LDLRAD3: variants seen among roughly 807,000 people sequenced by gnomAD.
LDLRAD3 encodes the protein low density lipoprotein receptor class A domain containing 3.
A neutral mutation model predicts 29.4 loss-of-function variants in LDLRAD3; 20 were observed. That is an observed-to-expected ratio of 0.68 (90% CI 0.48 to 0.99). LDLRAD3 has a LOEUF of 0.99. Among genes scored for constraint, LDLRAD3 ranks in the 50% least tolerant of loss-of-function variants. The probability of loss-of-function intolerance (pLI) is 0.00; values close to 1 mark genes in which losing one functional copy is unlikely to be tolerated. For missense variants in LDLRAD3, 420 were observed against 454.3 expected, an observed-to-expected ratio of 0.92 and a Z score of 0.69; for synonymous variants, 157 against 192.7, an observed-to-expected ratio of 0.81 and a Z score of 1.53.
chr11:36,207,206 C>G (rs1855222847), intron 4 of LDLRAD3, among the ~76,000 whole-genome samples: 1 of 152,176 alleles, frequency 6.6e-6, no homozygotes, highest in Admixed American at 6.5e-5. Context: ...GGAGGCCTCC[C>G]TCTGTTCCTG....
At chr11:36,041,869 G>A (rs1227093953) in intron 2 of LDLRAD3, among the ~76,000 whole-genome samples, 1 of 117,336 alleles carries the variant, frequency 8.5e-6, no homozygotes, top group Non-Finnish European at 2.1e-5. Context: ...TTTGGTGGGT[G>A]TGTTTGGTTG....
intron 1 of LDLRAD3, 113 bp from the exon 2 acceptor site, chr11:36,035,990 G>T: frequency 9.9e-7 from 1 of 1,013,542 alleles, no homozygotes; most frequent in South Asian, 1.7e-5. Context: ...GGTCAGAGAG[G>T]TTGAGTCATC....
At chr11:35,957,841 C>T (rs77553613) in intron 1 of LDLRAD3, among the ~76,000 whole-genome samples, 1,623 of 148,928 alleles carry the variant, frequency 0.011, 18 homozygotes, top group Middle Eastern at 0.024. Flanking sequence ...AAATACAATG[C>T]CGTACACATC....
In LDLRAD3 at chr11:36,081,729, G is replaced by A. The variant is rs1853117786; in HGVS notation, c.270G>A (p.Arg90=). ...TCCATTGCATCATTGGTCGCTTCCGGTGCAATGGGTTTGAGGACTGTCCCG... is the reference window on the plus strand; with the variant it reads ...TCCATTGCATCATTGGTCGCTTCCGATGCAATGGGTTTGAGGACTGTCCCG... ...SGIHCIIGRF[R]CNGFEDCPDG... Residue 90 remains arginine (R), a synonymous_variant, in exon 3 of 6, where the codon CGG becomes CGA. Transcript: ENST00000315571. 2 of 1,614,210 alleles carry A rather than the reference G, an allele frequency of 1.2e-6. No individual in the cohort carries two copies. Among genetic ancestry groups the A allele is most frequent in the Non-Finnish European group, 1.7e-6 (2 of 1,180,028 alleles).
chr11:35,958,504 G>T (rs1218889922), intron 1 of LDLRAD3, among the ~76,000 whole-genome samples: 5 of 152,146 alleles, frequency 3.3e-5, no homozygotes, highest in African/African-American at 1.2e-4. Flanking sequence ...CTAAAAGCTA[G>T]AGATCTGATG....
intron 2 of LDLRAD3, among the ~76,000 whole-genome samples, chr11:36,039,265 G>T (rs1358446364): frequency 6.6e-6 from 1 of 152,108 alleles, no homozygotes; most frequent in Non-Finnish European, 1.5e-5. Context: ...CACCGCGCCC[G>T]GCCTAAAATT....
At chr11:36,206,399 G>C (rs1855208545) in intron 4 of LDLRAD3, among the ~76,000 whole-genome samples, 1 of 152,204 alleles carries the variant, frequency 6.6e-6, no homozygotes, top group Non-Finnish European at 1.5e-5. Flanking sequence ...TTTAATGTTT[G>C]CTTTACGGAA....
intron 2 of LDLRAD3, among the ~76,000 whole-genome samples, chr11:36,040,769 A>G (rs2133214260): frequency 6.6e-6 from 1 of 152,326 alleles, no homozygotes; most frequent in South Asian, 2.1e-4. Context: ...TGTTTTGCTA[A>G]AGGTTTGCAC....
intron 4 of LDLRAD3, among the ~76,000 whole-genome samples, chr11:36,191,751 A>G (rs1399710104): frequency 6.6e-6 from 1 of 151,972 alleles, no homozygotes; most frequent in Non-Finnish European, 1.5e-5. Flanking sequence ...AATGCTAAAC[A>G]AATGGGGAGG....
intron 4 of LDLRAD3, among the ~76,000 whole-genome samples, chr11:36,101,096 G>T (rs947256505): frequency 3.7e-4 from 56 of 152,166 alleles, no homozygotes; most frequent in Non-Finnish European, 4.4e-5. Flanking sequence ...TCAGCTTTGT[G>T]CCTTCCTTAG....
intron 1 of LDLRAD3, among the ~76,000 whole-genome samples, chr11:35,973,300 A>G (rs1050489867): frequency 6.6e-6 from 1 of 152,054 alleles, no homozygotes; most frequent in African/African-American, 2.4e-5. Context: ...ACTATAAATT[A>G]TTTCACTCTA....
chr11:36,021,289 T>C (rs1197498329), intron 1 of LDLRAD3, among the ~76,000 whole-genome samples: 2 of 152,086 alleles, frequency 1.3e-5, no homozygotes, highest in Non-Finnish European at 2.9e-5. Context: ...AGGGAAGATA[T>C]CGCTTGTTTA....
chr11:36,092,696 G>A (rs1853301505), intron 3 of LDLRAD3, among the ~76,000 whole-genome samples: 1 of 152,178 alleles, frequency 6.6e-6, no homozygotes, highest in African/African-American at 2.4e-5. Context: ...GCAGTAAGTG[G>A]CATCCCCCTC....
At chr11:35,972,674 C>G (rs1851427810) in intron 1 of LDLRAD3, 1 of 152,114 alleles carries the variant, frequency 6.6e-6, no homozygotes, top group Non-Finnish European at 1.5e-5. Flanking sequence ...TACCATGCAT[C>G]CTATTCTACA....
chr11:36,197,125 T>C (rs998671772), intron 4 of LDLRAD3: 13 of 152,156 alleles, frequency 8.5e-5, no homozygotes, highest in Non-Finnish European at 1.3e-4. Context: ...GTGTGAACCA[T>C]GTATGGGGCA....
chr11:36,071,232 C>T (rs757973571), intron 2 of LDLRAD3, among the ~76,000 whole-genome samples: 5 of 152,290 alleles, frequency 3.3e-5, no homozygotes, highest in South Asian at 4.1e-4. Flanking sequence ...CTTCTAGGAG[C>T]GTCATTGCCA....
intron 3 of LDLRAD3, among the ~76,000 whole-genome samples, chr11:36,088,436 A>C (rs1455444713): frequency 6.6e-6 from 1 of 152,184 alleles, no homozygotes; most frequent in African/African-American, 2.4e-5. Context: ...CTTTTAGTGT[A>C]GTTGTGCCCA....
intron 4 of LDLRAD3, among the ~76,000 whole-genome samples, chr11:36,200,662 G>T (rs980004153): frequency 6.6e-6 from 1 of 152,166 alleles, no homozygotes; most frequent in East Asian, 1.9e-4. Flanking sequence ...CCAAATGCCT[G>T]CTCTGCCACT....
intron 4 of LDLRAD3, among the ~76,000 whole-genome samples, chr11:36,185,093 C>T (rs537418288): frequency 1.1e-4 from 16 of 152,038 alleles, no homozygotes; most frequent in African/African-American, 1.4e-4. Context: ...ATATATAGCT[C>T]GCCATATTAC....
Sources: gnomAD v4.1 joint callset for allele counts (sites outside exome capture counted in the v4.1 genomes callset) on GRCh38, gnomAD v4.1.1 for gene constraint, MANE v1.5 for transcripts, NCBI Gene and HGNC (gene_info 2026-07-23, HGNC 2026-07-21) for gene names.